Variants in KLHL4 observed in about 807,000 individuals in gnomAD.
KLHL4 encodes the protein kelch like family member 4, also known as kelch-like protein 4.
A neutral mutation model predicts 45.8 loss-of-function variants in KLHL4; 17 were observed. That is an observed-to-expected ratio of 0.37 (90% CI 0.25 to 0.56). The LOEUF is 0.56. Among genes scored for constraint, KLHL4 ranks in the 20% least tolerant of loss-of-function variants. KLHL4 has a pLI of 0.79. For synonymous variants in KLHL4, 224 were observed against 189.9 expected (o/e 1.18, Z -1.47); for missense variants, 544 against 544.9 (o/e 1.00, Z 0.02).
intron 1 of KLHL4, among the ~76,000 whole-genome samples, chrX:87,528,805 C>T (rs746587111): frequency 1.9e-5 from 2 of 105,673 alleles, no homozygotes; most frequent in East Asian, 6.1e-4. Flanking sequence ...AAACACTTTC[C>T]AAGTATGGCA....
intron 9 of KLHL4, among the ~76,000 whole-genome samples, chrX:87,646,299 T>C (rs969025740): frequency 2.0e-4 from 22 of 111,664 alleles, no homozygotes; most frequent in Non-Finnish European, 1.9e-5. Flanking sequence ...GAATCAGTAT[T>C]GTGATCATGA....
Position 87,592,896 on chromosome X carries a change from C to T in KLHL4, c.423-20981C>T, listed in dbSNP as rs755109475. ...TTCACTTTTTTGATTGTTTCATTTG[C>T]TGTGCAAGAGCCTTTTAACTTGATG... On this transcript the variant is annotated intron_variant, in intron 1 of 10. Coordinates refer to ENST00000373119, the MANE Select transcript of KLHL4 (RefSeq NM_019117.5). 1.5e-3 allele frequency among the ~76,000 whole-genome samples: 164 copies of T among 111,650 alleles called. 1 individual carries two copies. The highest frequency in any genetic ancestry group is 4.9e-3 in the African/African-American group (152 of 30,848).
intron 1 of KLHL4, among the ~76,000 whole-genome samples, chrX:87,573,563 G>T (rs1433509408): frequency 9.0e-6 from 1 of 111,185 alleles, no homozygotes; most frequent in East Asian, 2.8e-4. Context: ...AGTATATGAA[G>T]TATTAGTATT....
At chrX:87,523,121 A>G (rs1327241391) in intron 1 of KLHL4, among the ~76,000 whole-genome samples, 1 of 111,777 alleles carries the variant, frequency 8.9e-6, no homozygotes, top group Non-Finnish European at 1.9e-5. Flanking sequence ...ATGTGATGTC[A>G]AGAGCAGCAT....
chrX:87,577,314 C>T (rs1921133626), intron 1 of KLHL4, among the ~76,000 whole-genome samples: 1 of 112,082 alleles, frequency 8.9e-6, no homozygotes, highest in Non-Finnish European at 1.9e-5. Flanking sequence ...TTCTTATTTT[C>T]ACATAGCTCT....
chrX:87,564,993 T>C (rs1932176843), intron 1 of KLHL4, among the ~76,000 whole-genome samples: 1 of 111,814 alleles, frequency 8.9e-6, no homozygotes, highest in Admixed American at 9.5e-5. Flanking sequence ...AGAATGAAAG[T>C]AGACATCAAG....
At chrX:87,611,558 T>TA (rs1440392008) in intron 1 of KLHL4, among the ~76,000 whole-genome samples, 2 of 111,076 alleles carry the variant, frequency 1.8e-5, no homozygotes, top group Non-Finnish European at 3.8e-5. Context: ...TAAACAAACC[T>TA]ACTGCACTAT....
chrX:87,660,788 G>A (rs980106053), intron 9 of KLHL4, among the ~76,000 whole-genome samples: 2 of 112,788 alleles, frequency 1.8e-5, no homozygotes, highest in Non-Finnish European at 3.7e-5. Context: ...AGATTATGGT[G>A]AGCTGAGATC....
intron 1 of KLHL4, among the ~76,000 whole-genome samples, chrX:87,611,246 A>C (rs764744648): frequency 9.0e-6 from 1 of 111,555 alleles, no homozygotes; most frequent in Non-Finnish European, 1.9e-5. Flanking sequence ...AATATTAAAG[A>C]GGGTATTTGG....
chrX:87,641,178 T>C (rs1305180096), intron 9 of KLHL4, among the ~76,000 whole-genome samples: 3 of 111,654 alleles, frequency 2.7e-5, no homozygotes, highest in South Asian at 3.7e-4. Context: ...TGAAGAAAAC[T>C]AACTGCTCCT....
intron 9 of KLHL4, among the ~76,000 whole-genome samples, chrX:87,640,238 T>G (rs7061265): frequency 0.05 from 5,517 of 111,065 alleles, 341 homozygotes; most frequent in African/African-American, 0.17. Context: ...CCAGATGAAA[T>G]CACAGGTGAA....
At chrX:87,529,420 T>C (rs1036781591) in intron 1 of KLHL4, among the ~76,000 whole-genome samples, 3 of 111,816 alleles carry the variant, frequency 2.7e-5, no homozygotes, top group African/African-American at 9.7e-5. Flanking sequence ...AGAAAAGTTT[T>C]AGTATACTCA....
At position 87,667,208 on chromosome X, in the gene KLHL4, C is replaced by A; in HGVS notation, c.*674C>A. On this transcript the variant is annotated 3_prime_UTR_variant, in exon 11 of 11. Transcript: ENST00000373119. ...AATTTGGTATTTCTTAACATATTAT[C>A]TTGTTAGATTTGTTACCAGTAAAAT... 2.8e-6 allele frequency: 2 copies of A among 726,442 alleles called. No individual in the cohort carries two copies. The highest frequency in any genetic ancestry group is 3.3e-6 in the Non-Finnish European group (2 of 614,308). The allele number at this position is 726,442 out of a possible 1,213,427, so 59.9% of individuals were successfully genotyped here.
intron 9 of KLHL4, among the ~76,000 whole-genome samples, chrX:87,648,218 A>G (rs1339109192): frequency 1.8e-5 from 2 of 111,469 alleles, no homozygotes; most frequent in Admixed American, 1.9e-4. Context: ...ATATTAACCT[A>G]AGACCAAATG....
At chrX:87,555,516 G>A (rs1602414537) in intron 1 of KLHL4, among the ~76,000 whole-genome samples, 2 of 109,428 alleles carry the variant, frequency 1.8e-5, no homozygotes, top group East Asian at 2.9e-4. Flanking sequence ...AGAGGTGTTT[G>A]TAGTATTCTC....
chrX:87,530,442 C>T (rs28481905), intron 1 of KLHL4, among the ~76,000 whole-genome samples: 16,881 of 74,613 alleles, frequency 0.23, 2,133 homozygotes, highest in East Asian at 0.5. Context: ...CACAACAGTC[C>T]CCAGAGTGTG....
chrX:87,533,699 T>C (rs1243528883), intron 1 of KLHL4, among the ~76,000 whole-genome samples: 1 of 110,140 alleles, frequency 9.1e-6, no homozygotes, highest in African/African-American at 3.3e-5. Context: ...AAACTTAAAG[T>C]ATAATAATAA....
chrX:87,571,846 G>A (rs1322900563), intron 1 of KLHL4, among the ~76,000 whole-genome samples: 1 of 110,689 alleles, frequency 9.0e-6, no homozygotes, highest in Non-Finnish European at 1.9e-5. Flanking sequence ...TATTTGTCAT[G>A]TTTATGTCTG....
intron 1 of KLHL4, among the ~76,000 whole-genome samples, chrX:87,596,425 T>C (rs1444752075): frequency 8.9e-6 from 1 of 112,135 alleles, no homozygotes; most frequent in Non-Finnish European, 1.9e-5. Context: ...AAAACCATTG[T>C]GAAGGACTGT....
Sources: gnomAD v4.1 joint callset for allele counts (sites outside exome capture counted in the v4.1 genomes callset) on GRCh38, gnomAD v4.1.1 for gene constraint, MANE v1.5 for transcripts, NCBI Gene and HGNC (gene_info 2026-07-23, HGNC 2026-07-21) for gene names.